HERC3: variants seen among roughly 807,000 people sequenced by gnomAD.
HERC3 encodes HECT and RLD domain containing E3 ubiquitin protein ligase 3.
Under a neutral mutation model 129.9 loss-of-function variants are expected in HERC3, and 58 were observed. That is an observed-to-expected ratio of 0.45 (90% CI 0.36 to 0.56). The LOEUF is 0.56. Ranked by LOEUF, HERC3 falls within the 20% of genes least tolerant of loss-of-function variation. HERC3 has a pLI of 0.00. For missense variants in HERC3, 835 were observed against 1,244.2 expected (o/e 0.67, Z 4.95); for synonymous variants, 430 against 451.0 (o/e 0.95, Z 0.59).
the HERC3 span, among the ~76,000 whole-genome samples, chr4:88,532,831 T>C: frequency 6.6e-6 from 1 of 152,210 alleles, no homozygotes; most frequent in Non-Finnish European, 1.5e-5. Context: ...TTGCAAGGGT[T>C]CAAGGGAGAG....
At position 88,650,111 on chromosome 4, in the gene HERC3, C is replaced by T. The variant is rs774036664; in HGVS notation, c.386+112C>T. Reference sequence around the variant, plus strand: ...CATTTAATTGCTATTTCCTTTGCACCACTCCTGTGCCTTATACTATTAAAA... The same window carrying T: ...CATTTAATTGCTATTTCCTTTGCACTACTCCTGTGCCTTATACTATTAAAA... On this transcript the variant is annotated intron_variant, in intron 4 of 25. Transcript: ENST00000402738. 4.6e-4 allele frequency: 479 copies of T among 1,033,436 alleles called. 5 individuals carry two copies. The highest frequency in any genetic ancestry group is 2.6e-4 in the Admixed American group (11 of 43,082). 64.0% of individuals were successfully genotyped at this position (1,033,436 alleles called of 1,614,324 possible).
intron 10 of HERC3, among the ~76,000 whole-genome samples, chr4:88,661,224 C>T (rs1301789792): frequency 3.9e-5 from 6 of 152,166 alleles, no homozygotes; most frequent in Admixed American, 6.5e-5. Flanking sequence ...TGTGTGTACT[C>T]CAGCATCTGC....
chr4:88,685,101 C>T (rs914026584), intron 21 of HERC3: 1 of 152,198 alleles, frequency 6.6e-6, no homozygotes, highest in Non-Finnish European at 1.5e-5. Flanking sequence ...ACAACAGATG[C>T]TGGCAAGGCT....
At chr4:88,596,577 C>T (rs1722416222) in intron 2 of HERC3, among the ~76,000 whole-genome samples, 2 of 152,166 alleles carry the variant, frequency 1.3e-5, no homozygotes, top group Non-Finnish European at 2.9e-5. Context: ...GGAGAAACTC[C>T]CAGTCTGCAC....
chr4:88,532,214 T>A, the HERC3 span, among the ~76,000 whole-genome samples: 1 of 151,696 alleles, frequency 6.6e-6, no homozygotes, highest in South Asian at 2.1e-4. Context: ...AAACAGGAGA[T>A]TTATTACAGG....
intron 16 of HERC3, 97 bp downstream of exon 16, chr4:88,670,349 T>C: frequency 1.3e-6 from 1 of 771,968 alleles, no homozygotes; most frequent in South Asian, 1.8e-5. Context: ...TGTCAGTGTG[T>C]CACCTATTCT....
In HERC3 at chr4:88,670,025, T is replaced by C. The variant is rs774962536; in HGVS notation, c.1797+2T>C. 1 of 1,613,470 alleles carries C rather than the reference T, an allele frequency of 6.2e-7. No individual in the cohort carries two copies. ...AAACTCTTGGAGAAGTTATATAAGG[T>C]GAGCATAGGAGGTGCTAGTGGGGAG... On this transcript the variant is annotated splice_donor_variant, in intron 15 of 25. Transcript: ENST00000402738. LOFTEE classifies it high-confidence loss of function.
At chr4:88,679,100 C>T (rs138678336) in intron 19 of HERC3, among the ~76,000 whole-genome samples, 46 of 152,186 alleles carry the variant, frequency 3.0e-4, no homozygotes, top group Non-Finnish European at 4.7e-4. Context: ...GTTCTCTGCC[C>T]GAGTCATTAT....
the HERC3 span, among the ~76,000 whole-genome samples, chr4:88,554,323 C>T: frequency 1.0e-4 from 14 of 135,082 alleles, no homozygotes; most frequent in African/African-American, 3.1e-4. Context: ...CCAGCCTGGG[C>T]GACAGAGGGA....
At chr4:88,667,131 T>C (rs998478093) in intron 12 of HERC3, among the ~76,000 whole-genome samples, 13 of 152,180 alleles carry the variant, frequency 8.5e-5, no homozygotes, top group African/African-American at 3.1e-4. Flanking sequence ...GGAAAACAGA[T>C]TTAAAAATTT....
chr4:88,576,718 A>C, the HERC3 span, among the ~76,000 whole-genome samples: 2 of 151,964 alleles, frequency 1.3e-5, no homozygotes, highest in Non-Finnish European at 2.9e-5. Context: ...CATTTCTTCA[A>C]ATTTATTTTA....
At chr4:88,591,861 C>A (rs113228472), upstream of HERC3, among the ~76,000 whole-genome samples, 3,690 of 152,256 alleles carry the variant, frequency 0.024, 63 homozygotes, top group Non-Finnish European at 0.037. Context: ...GGTCCACCCT[C>A]CAGCCTCCCC....
the HERC3 span, chr4:88,583,915 C>T: frequency 3.9e-5 from 6 of 152,214 alleles, no homozygotes; most frequent in Non-Finnish European, 8.8e-5. Context: ...CCAGAGCAGT[C>T]AGTCAATTCT....
Position 88,678,029 on chromosome 4 carries a change from C to G in HERC3, c.2091C>G (p.Ala697=), listed in dbSNP as rs759218860. The G allele has an allele frequency of 1.5e-5, 24 of 1,613,942 alleles. No homozygotes were observed. The Admixed American group carries it at 4.0e-4, about 27-fold the overall frequency. ...TTCTCACCCTGGAGCCTCTGCTGGCCAGAAGCCCCTTCCTGGTCCTTCACG... is the reference window on the plus strand; with the variant it reads ...TTCTCACCCTGGAGCCTCTGCTGGCGAGAAGCCCCTTCCTGGTCCTTCACG... ...FMLLTLEPLL[A]RSPFLVLHVR... is the part of the protein sequence containing the mutation. The change falls in exon 19 of 26, where the codon GCC becomes GCG. Residue 697 remains alanine, a synonymous_variant. Coordinates refer to ENST00000402738, the MANE Select transcript of HERC3 (RefSeq NM_014606.3).
At chr4:88,615,141 C>T (rs903047266) in intron 3 of HERC3, among the ~76,000 whole-genome samples, 2 of 152,082 alleles carry the variant, frequency 1.3e-5, no homozygotes, top group African/African-American at 2.4e-5. Context: ...GGATGTTCAG[C>T]GATTTTTGTA....
rs562309277 is a variant in HERC3, at chr4:88,662,023, TAGA to T, written c.1147-403_1147-401del. 7.2e-4 allele frequency among the ~76,000 whole-genome samples: 109 copies of T among 152,298 alleles called. 1 individual carries two copies. The highest frequency in any genetic ancestry group is 1.3e-3 in the Non-Finnish European group (86 of 68,002). ...CAAAGGTTTTTGGGAGAGTGCTTTC[TAGA>T]AGAACATCTACTGAGGGATGAAGGA... On this transcript the variant is annotated intron_variant, in intron 10 of 25. Transcript: ENST00000402738.
At chr4:88,592,665 C>A (rs950970832) in intron 1 of HERC3, 91 bp downstream of exon 1, 1 of 152,244 alleles carries the variant, frequency 6.6e-6, no homozygotes, top group African/African-American at 2.4e-5. Flanking sequence ...CTGCAGTCAG[C>A]GCGCGGCTCC....
At chr4:88,530,244 C>T in the HERC3 span, among the ~76,000 whole-genome samples, 18 of 151,760 alleles carry the variant, frequency 1.2e-4, no homozygotes, top group African/African-American at 3.9e-4. Flanking sequence ...GAGCCAAGAT[C>T]GTGCCACTGC....
At chr4:88,649,530 T>C (rs1729050498) in intron 3 of HERC3, among the ~76,000 whole-genome samples, 1 of 152,068 alleles carries the variant, frequency 6.6e-6, no homozygotes, top group African/African-American at 2.4e-5. Context: ...CATCTCCAAA[T>C]AGTACAGGCT....
Sources: gnomAD v4.1 joint callset for allele counts (sites outside exome capture counted in the v4.1 genomes callset) on GRCh38, gnomAD v4.1.1 for gene constraint, MANE v1.5 for transcripts, NCBI Gene and HGNC (gene_info 2026-07-23, HGNC 2026-07-21) for gene names.